The following GPC6 variants were observed in gnomAD, a reference collection of about 807,000 sequenced individuals.
GPC6 encodes glypican 6.
A neutral mutation model predicts 55.2 loss-of-function variants in GPC6; 14 were observed. The observed-to-expected ratio is 0.25, with a 90% CI of 0.17 to 0.40. GPC6 has a LOEUF of 0.40. Ranked by LOEUF, GPC6 falls within the 10% of genes least tolerant of loss-of-function variation. GPC6 has a pLI of 1.00. For synonymous variants in GPC6, 278 were observed against 259.6 expected, an observed-to-expected ratio of 1.07 and a Z score of -0.68; for missense variants, 641 against 708.5, an observed-to-expected ratio of 0.90 and a Z score of 1.08.
At chr13:94,290,429 T>TAAAAAAAAAAAA (rs532958421) in intron 5 of GPC6, among the ~76,000 whole-genome samples, 5 of 99,036 alleles carry the variant, frequency 5.0e-5, no homozygotes, top group African/African-American at 7.7e-5. Flanking sequence ...TCTAGAAAGG[T>TAAAAAAAAAAAA]AAAAAAAAAA....
chr13:94,195,256 G>A (rs780971407), intron 4 of GPC6, among the ~76,000 whole-genome samples: 4 of 152,002 alleles, frequency 2.6e-5, no homozygotes, highest in Non-Finnish European at 5.9e-5. Flanking sequence ...TCCTAGTTAG[G>A]GCTTGTATAA....
chr13:93,845,337 G>A (rs1372995455), intron 3 of GPC6, among the ~76,000 whole-genome samples: 3 of 149,478 alleles, frequency 2.0e-5, no homozygotes, highest in African/African-American at 7.5e-5. Flanking sequence ...GAAACAACAG[G>A]TGCTGGAGAG....
chr13:93,718,434 C>T (rs927332354), intron 2 of GPC6, among the ~76,000 whole-genome samples: 3 of 151,966 alleles, frequency 2.0e-5, no homozygotes, highest in African/African-American at 7.3e-5. Context: ...ATATCCTTCG[C>T]CTACTTTTGA....
chr13:93,974,309 C>T (rs1429689437), intron 3 of GPC6, among the ~76,000 whole-genome samples: 1 of 152,102 alleles, frequency 6.6e-6, no homozygotes, highest in Non-Finnish European at 1.5e-5. Context: ...CATTTATTAC[C>T]TGCTACAAAA....
chr13:93,452,299 C>T (rs1171792993), intron 1 of GPC6, among the ~76,000 whole-genome samples: 1 of 152,096 alleles, frequency 6.6e-6, no homozygotes, highest in East Asian at 1.9e-4. Context: ...GCATACAAAG[C>T]AAGGCATTGT....
At chr13:93,232,308 G>C (rs927963229) in intron 1 of GPC6, among the ~76,000 whole-genome samples, 2 of 152,118 alleles carry the variant, frequency 1.3e-5, no homozygotes, top group Non-Finnish European at 2.9e-5. Flanking sequence ...TGGAAGGACA[G>C]TGTAAGTCAC....
At chr13:94,106,794 A>G (rs1278028162) in intron 4 of GPC6, among the ~76,000 whole-genome samples, 1 of 152,122 alleles carries the variant, frequency 6.6e-6, no homozygotes, top group Non-Finnish European at 1.5e-5. Flanking sequence ...TTAAAAGAGG[A>G]GAGATTGGCA....
intron 3 of GPC6, among the ~76,000 whole-genome samples, chr13:93,837,430 T>C (rs1167033100): frequency 6.6e-6 from 1 of 152,222 alleles, no homozygotes; most frequent in African/African-American, 2.4e-5. Flanking sequence ...CAATCTGAGA[T>C]AGGTGGTTAT....
chr13:93,517,023 G>C (rs546552795), intron 1 of GPC6, among the ~76,000 whole-genome samples: 5 of 152,104 alleles, frequency 3.3e-5, no homozygotes, highest in Non-Finnish European at 7.4e-5. Flanking sequence ...AGAAAAGCAA[G>C]ATGTGGATTT....
intron 2 of GPC6, among the ~76,000 whole-genome samples, chr13:93,579,985 A>G (rs1233546538): frequency 2.0e-5 from 3 of 152,210 alleles, no homozygotes; most frequent in Non-Finnish European, 4.4e-5. Flanking sequence ...ATTCAGAAGT[A>G]AAATGTACTC....
At chr13:93,907,096 T>C (rs1876713844) in intron 3 of GPC6, among the ~76,000 whole-genome samples, 2 of 152,062 alleles carry the variant, frequency 1.3e-5, no homozygotes, top group Admixed American at 1.3e-4. Flanking sequence ...TGTAAGAAAA[T>C]AAAAATCTAC....
At chr13:93,355,213 A>G (rs1594114952) in intron 1 of GPC6, among the ~76,000 whole-genome samples, 1 of 152,216 alleles carries the variant, frequency 6.6e-6, no homozygotes, top group East Asian at 1.9e-4. Context: ...TACTTATTGT[A>G]CTCAAGATAA....
intron 4 of GPC6, among the ~76,000 whole-genome samples, chr13:94,124,545 C>A (rs539126950): frequency 6.6e-6 from 1 of 152,000 alleles, no homozygotes; most frequent in East Asian, 1.9e-4. Context: ...TGAAAAAGCA[C>A]ACACTGGGGG....
At chr13:94,177,701 A>G (rs1888831442) in intron 4 of GPC6, among the ~76,000 whole-genome samples, 1 of 152,170 alleles carries the variant, frequency 6.6e-6, no homozygotes, top group African/African-American at 2.4e-5. Context: ...CATTAAGAAT[A>G]TTAATAATAT....
intron 1 of GPC6, among the ~76,000 whole-genome samples, chr13:93,497,605 AGAAACTTTTATGT>A (rs1880354162): frequency 6.6e-6 from 1 of 152,256 alleles, no homozygotes; most frequent in Non-Finnish European, 1.5e-5. Context: ...AAGGCTAAAA[AGAAACTTTTATGT>A]GAAAGAACAC....
intron 3 of GPC6, among the ~76,000 whole-genome samples, chr13:93,904,210 A>G (rs1876512948): frequency 6.6e-6 from 1 of 152,164 alleles, no homozygotes; most frequent in Admixed American, 6.5e-5. Flanking sequence ...AGTAAGCAGA[A>G]ATGGGACATC....
At chr13:93,884,905 A>G (rs1875229490) in intron 3 of GPC6, among the ~76,000 whole-genome samples, 1 of 152,120 alleles carries the variant, frequency 6.6e-6, no homozygotes, top group Non-Finnish European at 1.5e-5. Flanking sequence ...GAAAAATTCT[A>G]GAATATTTTG....
chr13:93,232,464 G>A (rs1030220449), intron 1 of GPC6, among the ~76,000 whole-genome samples: 4 of 152,122 alleles, frequency 2.6e-5, no homozygotes, highest in African/African-American at 9.7e-5. Flanking sequence ...CTTGATTTGG[G>A]CATTAATTTT....
chr13:94,078,027 C>T (rs554379721), intron 4 of GPC6, among the ~76,000 whole-genome samples: 1 of 151,810 alleles, frequency 6.6e-6, no homozygotes, highest in Non-Finnish European at 1.5e-5. Flanking sequence ...CAAAGCAAGT[C>T]TTAACAAATT....
Sources: allele counts gnomAD v4.1 joint callset (sites outside exome capture counted in the v4.1 genomes callset), GRCh38; gene constraint gnomAD v4.1.1; transcripts MANE v1.5; gene names NCBI Gene and HGNC (gene_info 2026-07-23, HGNC 2026-07-21).